Variants in PCNT observed in about 807,000 individuals in gnomAD.
The protein encoded by PCNT is pericentrin.
Under a neutral mutation model 380.4 loss-of-function variants are expected in PCNT, and 319 were observed. The ratio of observed to expected loss-of-function variants is 0.84; its 90% CI spans 0.77 to 0.92. The LOEUF is 0.92. Ranked by LOEUF, PCNT falls within the 40% of genes least tolerant of loss-of-function variation. The pLI is 0.00. For synonymous variants in PCNT, 1,845 were observed against 1,735.2 expected, an observed-to-expected ratio of 1.06 and a Z score of -1.57; for missense variants, 4,400 against 4,255.3, an observed-to-expected ratio of 1.03 and a Z score of -0.95.
intron 25 of PCNT, among the ~76,000 whole-genome samples, chr21:46,400,133 A>G (rs927243779): frequency 2.6e-5 from 4 of 152,248 alleles, no homozygotes; most frequent in African/African-American, 9.6e-5. Context: ...TACTTTGATG[A>G]GAGCCCCTTG....
chr21:46,418,283 G>A lies in PCNT; in HGVS notation c.7001G>A (p.Gly2334Glu). Residue 2334 changes from glycine (G) to glutamate (E), a missense_variant, in exon 31 of 47, where the codon GGA becomes GAA. Gly to Glu is a moderately conservative substitution (Grantham distance 98). Transcript: ENST00000359568. ...TLSSPPPGLE[G>E]KADRSEKSDG... is the part of the protein sequence containing the mutation. ...AGTTCACCTCCTCCTGGATTAGAAGGAAAAGCTGATAGAAGTGAGAAAAGT... is the reference window on the plus strand; with the variant it reads ...AGTTCACCTCCTCCTGGATTAGAAGAAAAAGCTGATAGAAGTGAGAAAAGT... 6.2e-7 allele frequency: 1 copy of A among 1,600,766 alleles called. No individual in the cohort carries two copies. The highest frequency in any genetic ancestry group is 1.1e-5 in the South Asian group (1 of 90,798).
At chr21:46,341,336 TTGTC>T (rs2083905808) in intron 3 of PCNT, among the ~76,000 whole-genome samples, 1 of 152,000 alleles carries the variant, frequency 6.6e-6, no homozygotes, top group African/African-American at 2.4e-5. Flanking sequence ...GAGTAGCACA[TTGTC>T]TGGTCTTTTT....
Position 46,436,102 on chromosome 21 carries a change from T to C in PCNT, c.8950T>C (p.Ser2984Pro). 2.5e-6 allele frequency: 4 copies of C among 1,611,208 alleles called. No individual in the cohort carries two copies. Among genetic ancestry groups the C allele is most frequent in the Non-Finnish European group, 3.4e-6 (4 of 1,179,838 alleles). The change falls in exon 39 of 47, where the codon TCT becomes CCT. Residue 2984 changes from serine to proline, a missense_variant. Transcript: ENST00000359568. Reference sequence around the variant, plus strand: ...GGAGGCGATGAGGCAGCGGCTGCTCTCTGCCGCCCGGCTTCTCACCAGCTT... The same window carrying C: ...GGAGGCGATGAGGCAGCGGCTGCTCCCTGCCGCCCGGCTTCTCACCAGCTT... ...ELEAMRQRLL[S>P]AARLLTSFTS...
rs2085847549 is a variant in PCNT, at chr21:46,386,612, C to T, written c.3464+629C>T. Among the ~76,000 whole-genome samples, 3 of 152,248 alleles carry T rather than the reference C, an allele frequency of 2.0e-5. No individual in the cohort carries two copies. The South Asian group carries it at 6.2e-4, about 31-fold the overall frequency. ...TGAACGCATGGGTCCAGGCCACATC[C>T]TGCCTTGGTGCCTCCTCACCTGCAG... On this transcript the variant is annotated intron_variant, in intron 17 of 46. Coordinates refer to ENST00000359568, the MANE Select transcript of PCNT (RefSeq NM_006031.6).
chr21:46,433,966 G>A (rs576550783), intron 38 of PCNT, among the ~76,000 whole-genome samples: 102 of 152,182 alleles, frequency 6.7e-4, no homozygotes, highest in Middle Eastern at 3.4e-3. Context: ...TAGTAGAGAC[G>A]GGGTTTTACC....
intron 17 of PCNT, among the ~76,000 whole-genome samples, chr21:46,386,980 C>G (rs963608083): frequency 2.0e-5 from 3 of 151,948 alleles, no homozygotes; most frequent in African/African-American, 7.3e-5. Context: ...CTGGGTCCAG[C>G]CACTGCTCCC....
At chr21:46,407,063 T>A (rs1366772739) in intron 27 of PCNT, among the ~76,000 whole-genome samples, 1 of 152,250 alleles carries the variant, frequency 6.6e-6, no homozygotes, top group African/African-American at 2.4e-5. Context: ...ATGAAGGTTA[T>A]GTTAGTCTCA....
intron 1 of PCNT, 120 bp downstream of exon 1, chr21:46,324,402 C>T: frequency 2.3e-6 from 2 of 882,464 alleles, no homozygotes; most frequent in Middle Eastern, 3.2e-4. Context: ...CCGCGGAGGT[C>T]TCGCTTTTTC....
Position 46,425,048 on chromosome 21 carries a change from T to G in PCNT, c.7180-783T>G, listed in dbSNP as rs1378662783. ...TCCCTCTTTTTGGACTTTATTAGAT[T>G]ATTTTTCTCTTCAGGTTTTTATGCA... On this transcript the variant is annotated intron_variant, in intron 32 of 46. Coordinates refer to ENST00000359568, the MANE Select transcript of PCNT (RefSeq NM_006031.6). This position sits in a 1 kb window ranked among gnomAD's most constrained non-coding sequence, Gnocchi z 4.2. Among the ~76,000 whole-genome samples, 1 of 152,164 alleles carries G rather than the reference T, an allele frequency of 6.6e-6. No individual in the cohort carries two copies. The highest frequency in any genetic ancestry group is 1.5e-5 in the Non-Finnish European group (1 of 68,030).
chr21:46,388,051 A>G lies in PCNT; in HGVS notation c.3465-691A>G, dbSNP rs1202884071. ...TGGTGAAACCCCATCTCTACTAAAAATACAAAAAATTAGCCGGGCGTGGTG... is the reference window on the plus strand; with the variant it reads ...TGGTGAAACCCCATCTCTACTAAAAGTACAAAAAATTAGCCGGGCGTGGTG... On this transcript the variant is annotated intron_variant, in intron 17 of 46. Transcript: ENST00000359568. The surrounding 1 kb of genome is among the most constrained non-coding windows in gnomAD (Gnocchi z 4.2). Among the ~76,000 whole-genome samples, 1 of 152,056 alleles carries G rather than the reference A, an allele frequency of 6.6e-6. No homozygotes were observed. Among genetic ancestry groups the G allele is most frequent in the African/African-American group, 2.4e-5 (1 of 41,398 alleles).
chr21:46,378,897 T>C (rs1363219208), intron 15 of PCNT, among the ~76,000 whole-genome samples: 2 of 152,242 alleles, frequency 1.3e-5, no homozygotes, highest in Non-Finnish European at 2.9e-5. Flanking sequence ...CTCGTTACTT[T>C]ATGCACGTGT....
intron 35 of PCNT, among the ~76,000 whole-genome samples, chr21:46,428,902 T>C (rs2087622594): frequency 6.6e-6 from 1 of 151,218 alleles, no homozygotes; most frequent in East Asian, 1.9e-4. Flanking sequence ...GGTTTCTACA[T>C]TTAATTTAGC....
rs1468689879 is a variant in PCNT at position 46,397,295 on chromosome 21, A to G, written c.4247A>G (p.Lys1416Arg). Residue 1416 changes from lysine to arginine, a missense_variant, in exon 22 of 47, where the codon AAA becomes AGA. By Grantham distance (26) the Lys-to-Arg change is conservative. Coordinates refer to ENST00000359568, the MANE Select transcript of PCNT (RefSeq NM_006031.6). The part of the protein sequence containing the change: ...ALRKEVEDLT[K>R]EQSETRKQAE... ...CGGAAGGAAGTGGAGGATCTGACCAAAGAACAGTCGGAGACCAGGAAGCAG... is the reference window on the plus strand; with the variant it reads ...CGGAAGGAAGTGGAGGATCTGACCAGAGAACAGTCGGAGACCAGGAAGCAG... 1 of 1,614,130 alleles carries G rather than the reference A, an allele frequency of 6.2e-7. No homozygotes were observed. Among genetic ancestry groups the G allele is most frequent in the South Asian group, 1.1e-5 (1 of 91,072 alleles).
chr21:46,436,273 C>G, intron 39 of PCNT, 125 bp downstream of exon 39: 4 of 1,110,824 alleles, frequency 3.6e-6, no homozygotes, highest in Non-Finnish European at 3.9e-6. Context: ...ACGCTCTAGT[C>G]CTCTTTCTGA....
intron 25 of PCNT, 122 bp from the exon 26 acceptor site, chr21:46,401,429 C>A: frequency 1.3e-6 from 1 of 796,622 alleles, no homozygotes; most frequent in Non-Finnish European, 2.1e-6. Flanking sequence ...AGTGCAGGGG[C>A]GTGCAGGTCC....
intron 35 of PCNT, 74 bp from the exon 36 acceptor site, chr21:46,429,936 G>C: frequency 8.1e-7 from 1 of 1,232,820 alleles, no homozygotes; most frequent in South Asian, 1.2e-5. Flanking sequence ...CCACGAGTCT[G>C]TCTCTAACCT....
chr21:46,329,666 G>A (rs918922552), intron 2 of PCNT, among the ~76,000 whole-genome samples: 2 of 152,198 alleles, frequency 1.3e-5, no homozygotes, highest in Non-Finnish European at 2.9e-5. Flanking sequence ...ACCCTCAAGC[G>A]TGGGGTGGTG....
intron 27 of PCNT, 70 bp from the exon 28 acceptor site, chr21:46,411,119 C>T (rs1057329479): frequency 1.3e-5 from 19 of 1,433,444 alleles, no homozygotes; most frequent in Non-Finnish European, 1.9e-5. Context: ...CAGGATGTAA[C>T]GTGCCCTGAA....
At chr21:46,378,944 G>A (rs1436056144) in intron 15 of PCNT, among the ~76,000 whole-genome samples, 1 of 152,136 alleles carries the variant, frequency 6.6e-6, no homozygotes, top group African/African-American at 2.4e-5. Flanking sequence ...GTAAACAAAA[G>A]CCATGTTGTT....
Sources: allele counts gnomAD v4.1 joint callset (sites outside exome capture counted in the v4.1 genomes callset), GRCh38; gene constraint gnomAD v4.1.1; non-coding constraint Gnocchi (gnomAD v3.1); transcripts MANE v1.5; gene names NCBI Gene and HGNC (gene_info 2026-07-23, HGNC 2026-07-21).